The following USP45 variants were observed in gnomAD, a reference collection of about 807,000 sequenced individuals.
USP45 encodes the protein ubiquitin specific peptidase 45.
Under a neutral mutation model 95.8 loss-of-function variants are expected in USP45, and 89 were observed. The observed-to-expected ratio is 0.93, with a 90% CI of 0.78 to 1.11. The LOEUF (loss-of-function observed/expected upper bound fraction) is 1.11. Ranked by LOEUF, USP45 falls within the 50% of genes least tolerant of loss-of-function variation. The pLI is 0.00. For synonymous variants in USP45, 281 were observed against 316.2 expected, an observed-to-expected ratio of 0.89 and a Z score of 1.18; for missense variants, 898 against 942.5, an observed-to-expected ratio of 0.95 and a Z score of 0.62.
At chr6:99,500,968 A>G (rs1322681707) in intron 5 of USP45, among the ~76,000 whole-genome samples, 1 of 152,222 alleles carries the variant, frequency 6.6e-6, no homozygotes, top group Non-Finnish European at 1.5e-5. Flanking sequence ...TAGAAAACAC[A>G]GTTGGCAACT....
Position 99,508,892 on chromosome 6 carries a change from T to C in USP45, c.101-110A>G, listed in dbSNP as rs7745189. The C allele has an allele frequency of 0.026, 22,779 of 863,252 alleles. 2,522 individuals carry two copies. In the African/African-American group the frequency reaches 0.28, roughly 11 times the overall value. The allele number at this position is 863,252 out of a possible 1,614,324, so 53.5% of individuals were successfully genotyped here. A position where few individuals can be genotyped will look rare whatever the true frequency, so the allele number is the denominator to read the frequency against. On this transcript the variant is annotated intron_variant, in intron 2 of 17. Coordinates refer to ENST00000500704, the MANE Select transcript of USP45 (RefSeq NM_001346022.3). ...TGCTGTTAACTAAAAAGCACAGAGA[T>C]TGAACACACAAAATAACTCAAAAGA...
At chr6:99,460,208 G>GAGA (rs36079189) in intron 13 of USP45, among the ~76,000 whole-genome samples, 108,676 of 151,760 alleles carry the variant, frequency 0.72, 39,245 homozygotes, top group East Asian at 0.91. Flanking sequence ...ATTTAGCAAA[G>GAGA]AGAAGTGAAA....
At chr6:99,508,887 A>C in intron 2 of USP45, 105 bp from the exon 3 acceptor site, 1 of 958,014 alleles carries the variant, frequency 1.0e-6, no homozygotes, top group East Asian at 2.7e-5. Context: ...TAAAAAGCAC[A>C]GAGATTGAAC....
chr6:99,511,841 GTGTGTATATATATATA>G (rs71864401), intron 1 of USP45, among the ~76,000 whole-genome samples: 29,827 of 133,424 alleles, frequency 0.22, 3,963 homozygotes, highest in East Asian at 0.47. Flanking sequence ...GTATGTGAGT[GTGTGTATATATATATA>G]TATATATATA....
rs1779898447 is a variant in USP45, at chr6:99,432,715, G to A, written c.*3001C>T. On this transcript the variant is annotated 3_prime_UTR_variant, in exon 18 of 18. Coordinates refer to ENST00000500704, the MANE Select transcript of USP45 (RefSeq NM_001346022.3). ...GGCTCAATTTTATTGCACATATTTG[G>A]TTTAGGCTTATTTGATCAATACATG... The A allele has an allele frequency of 6.6e-6, 1 of 152,464 alleles. No individual in the cohort carries two copies. Among genetic ancestry groups the A allele is most frequent in the Non-Finnish European group, 1.5e-5 (1 of 68,024 alleles). The allele number at this position is 152,464 out of a possible 1,614,324, so 9.4% of individuals were successfully genotyped here.
intron 13 of USP45, among the ~76,000 whole-genome samples, chr6:99,459,524 T>C (rs534498005): frequency 1.9e-3 from 288 of 152,314 alleles, no homozygotes; most frequent in African/African-American, 6.7e-3. Flanking sequence ...CTGGGTCAAA[T>C]GGTAGTTCTG....
At chr6:99,458,307 C>T (rs1377564960) in intron 13 of USP45, among the ~76,000 whole-genome samples, 1 of 152,318 alleles carries the variant, frequency 6.6e-6, no homozygotes, top group East Asian at 1.9e-4. Flanking sequence ...GCGTGAGCCA[C>T]CGCACCCAGC....
intron 15 of USP45, 125 bp downstream of exon 15, chr6:99,443,440 C>G: frequency 1.8e-6 from 1 of 556,872 alleles, no homozygotes; most frequent in East Asian, 3.1e-5. Flanking sequence ...AGCAGTAAAT[C>G]TCACATGACA....
chr6:99,471,765 A>G (rs1258318970), intron 9 of USP45, among the ~76,000 whole-genome samples: 1 of 152,214 alleles, frequency 6.6e-6, no homozygotes, highest in East Asian at 1.9e-4. Context: ...GGTGGCAGAC[A>G]TAACACTGTA....
chr6:99,487,840 C>A (rs543534322), intron 7 of USP45, among the ~76,000 whole-genome samples: 77 of 152,036 alleles, frequency 5.1e-4, no homozygotes, highest in African/African-American at 1.8e-3. Flanking sequence ...AAAATTTCAT[C>A]TTTCTTTAAA....
chr6:99,515,083 C>G (rs560303472), intron 1 of USP45: 1 of 152,474 alleles, frequency 6.6e-6, no homozygotes, highest in African/African-American at 2.4e-5. Flanking sequence ...AAATGCGCCG[C>G]GATGAGGCGG....
chr6:99,498,705 A>C (rs1796795244), intron 5 of USP45, among the ~76,000 whole-genome samples: 1 of 152,118 alleles, frequency 6.6e-6, no homozygotes, highest in Non-Finnish European at 1.5e-5. Context: ...CTAAGATTTT[A>C]TTTGCTTTTT....
chr6:99,452,318 C>CA (rs1554229400), intron 13 of USP45, among the ~76,000 whole-genome samples: 20 of 151,952 alleles, frequency 1.3e-4, no homozygotes, highest in Non-Finnish European at 1.2e-4. Context: ...ACAAAGAACT[C>CA]AAACAAATTT....
intron 17 of USP45, among the ~76,000 whole-genome samples, chr6:99,436,756 T>G (rs755099466): frequency 6.6e-6 from 1 of 152,122 alleles, no homozygotes; most frequent in African/African-American, 2.4e-5. Context: ...GGGTACAGTC[T>G]TCATAATATT....
intron 9 of USP45, among the ~76,000 whole-genome samples, chr6:99,469,926 G>C (rs1214668694): frequency 1.3e-5 from 2 of 151,952 alleles, no homozygotes; most frequent in East Asian, 3.9e-4. Flanking sequence ...GATATATTAA[G>C]TGAAAAAAGA....
At chr6:99,517,601 A>ATTTTTT (rs11398930), upstream of USP45, among the ~76,000 whole-genome samples, 8 of 136,776 alleles carry the variant, frequency 5.8e-5, no homozygotes, top group Non-Finnish European at 7.8e-5. Flanking sequence ...CACATAGCTA[A>ATTTTTT]TTTTTTTTTT....
At chr6:99,476,663 A>T (rs182144820) in intron 8 of USP45, among the ~76,000 whole-genome samples, 1 of 152,212 alleles carries the variant, frequency 6.6e-6, no homozygotes, top group Admixed American at 6.5e-5. Flanking sequence ...GTTGGGATGT[A>T]CTGTTTTCTC....
intron 13 of USP45, among the ~76,000 whole-genome samples, chr6:99,448,433 GGA>G (rs1783038306): frequency 6.6e-6 from 1 of 152,144 alleles, no homozygotes; most frequent in African/African-American, 2.4e-5. Context: ...CTGCAAGAAA[GGA>G]TATCAGTGAT....
chr6:99,512,573 A>G (rs1800114479), intron 1 of USP45, among the ~76,000 whole-genome samples: 1 of 152,092 alleles, frequency 6.6e-6, no homozygotes, highest in Admixed American at 6.5e-5. Flanking sequence ...CAACATCGCA[A>G]TTTTCATGGT....
Sources: gnomAD v4.1 joint callset for allele counts (sites outside exome capture counted in the v4.1 genomes callset) on GRCh38, gnomAD v4.1.1 for gene constraint, MANE v1.5 for transcripts, NCBI Gene and HGNC (gene_info 2026-07-23, HGNC 2026-07-21) for gene names.